Variants in CDH19 observed in about 807,000 individuals in gnomAD.
CDH19 encodes the protein cadherin-19.
A neutral mutation model predicts 64.2 loss-of-function variants in CDH19; 67 were observed. The observed-to-expected ratio is 1.04, with a 90% CI of 0.86 to 1.28. CDH19 has a LOEUF of 1.28. Among genes scored for constraint, CDH19 ranks in the 50% most tolerant of loss-of-function variants. CDH19 has a pLI of 0.00. For synonymous variants in CDH19, 346 were observed against 319.3 expected (o/e 1.08, Z -0.89); for missense variants, 1,030 against 929.0 (o/e 1.11, Z -1.41).
At position 66,585,704 on chromosome 18, in the gene CDH19, A is replaced by T. The variant is rs560683295; in HGVS notation, c.-112-13388T>A. Reference sequence around the variant, plus strand: ...CTATTTTCATTTCTGCTAAAAATATACACACATAAAAAGCTTTGTAAATGA... The same window carrying T: ...CTATTTTCATTTCTGCTAAAAATATTCACACATAAAAAGCTTTGTAAATGA... On this transcript the variant is annotated intron_variant, in intron 1 of 11. Coordinates refer to ENST00000262150, the MANE Select transcript of CDH19 (RefSeq NM_021153.4). Among the ~76,000 whole-genome samples the T allele has an allele frequency of 2.6e-5, 4 of 152,282 alleles. No individual in the cohort carries two copies. The South Asian group carries it at 8.3e-4, about 32-fold the overall frequency.
At chr18:66,522,083 A>C (rs1046300711) in intron 9 of CDH19, among the ~76,000 whole-genome samples, 2 of 150,100 alleles carry the variant, frequency 1.3e-5, no homozygotes, top group Non-Finnish European at 3.0e-5. Flanking sequence ...AATAGCTGGT[A>C]CTACAGGCGC....
intron 1 of CDH19, among the ~76,000 whole-genome samples, chr18:66,573,938 G>A (rs1269714938): frequency 6.7e-6 from 1 of 149,406 alleles, no homozygotes; most frequent in African/African-American, 2.4e-5. Context: ...TACATGTTAT[G>A]TAAGTGTGTA....
At chr18:66,559,284 T>G (rs1987633133) in intron 3 of CDH19, among the ~76,000 whole-genome samples, 1 of 152,012 alleles carries the variant, frequency 6.6e-6, no homozygotes, top group African/African-American at 2.4e-5. Flanking sequence ...TAAAAACTTT[T>G]TAAAAATTAA....
chr18:66,590,195 C>G (rs952748126), intron 1 of CDH19, among the ~76,000 whole-genome samples: 7 of 151,654 alleles, frequency 4.6e-5, no homozygotes, highest in Admixed American at 4.6e-4. Flanking sequence ...TTTTAACAAG[C>G]CTCAAAGATG....
chr18:66,566,813 T>A (rs1182981376), intron 3 of CDH19, among the ~76,000 whole-genome samples: 2 of 151,916 alleles, frequency 1.3e-5, no homozygotes, highest in African/African-American at 4.8e-5. Context: ...AACAGTCAAG[T>A]CAGCCTGGAT....
intron 1 of CDH19, among the ~76,000 whole-genome samples, chr18:66,589,489 G>A (rs1988680668): frequency 6.6e-6 from 1 of 151,792 alleles, no homozygotes; most frequent in Admixed American, 6.6e-5. Flanking sequence ...AGTTTTTGCT[G>A]ATGTTGTGAT....
intron 9 of CDH19, among the ~76,000 whole-genome samples, chr18:66,519,170 T>A (rs1434485152): frequency 6.6e-6 from 1 of 152,214 alleles, no homozygotes; most frequent in Admixed American, 6.5e-5. Context: ...GACAATGTTG[T>A]TTGTGTGCAA....
At chr18:66,542,742 C>T (rs1986938996) in intron 7 of CDH19, among the ~76,000 whole-genome samples, 1 of 152,012 alleles carries the variant, frequency 6.6e-6, no homozygotes, top group Admixed American at 6.6e-5. Context: ...TGAGCTCCGC[C>T]TCTTCTCATA....
chr18:66,524,569 T>C (rs11877906), intron 9 of CDH19, among the ~76,000 whole-genome samples: 1 of 135,164 alleles, frequency 7.4e-6, no homozygotes, highest in East Asian at 2.2e-4. Context: ...TATATATATA[T>C]AAACATCATC....
intron 6 of CDH19, 125 bp downstream of exon 6, chr18:66,544,594 A>T: frequency 1.6e-6 from 1 of 637,942 alleles, no homozygotes; most frequent in Non-Finnish European, 2.5e-6. Flanking sequence ...CCTTGTCTCC[A>T]TAAAACATAA....
intron 1 of CDH19, among the ~76,000 whole-genome samples, chr18:66,586,901 T>A (rs1988595533): frequency 6.6e-6 from 1 of 152,128 alleles, no homozygotes; most frequent in Admixed American, 6.6e-5. Flanking sequence ...CTTCCATGCC[T>A]ATCCTTTTAT....
At position 66,512,929 on chromosome 18, in the gene CDH19, T is replaced by G. The variant is rs1985564102; in HGVS notation, c.1459-1244A>C. On this transcript the variant is annotated intron_variant, in intron 9 of 11. Transcript: ENST00000262150. ...ATTTTCAGGATTATAGGTCTTGGCT[T>G]GTCAGAGGGTTTGTCACACGACAAA... Among the ~76,000 whole-genome samples the G allele has an allele frequency of 2.0e-5, 3 of 151,618 alleles. No individual in the cohort carries two copies. The South Asian group carries it at 6.2e-4, about 31-fold the overall frequency.
intron 9 of CDH19, among the ~76,000 whole-genome samples, chr18:66,516,810 C>A (rs1465039772): frequency 6.6e-6 from 1 of 151,808 alleles, no homozygotes; most frequent in Non-Finnish European, 1.5e-5. Flanking sequence ...TAGGTTCACT[C>A]TAGAAGAGAA....
At chr18:66,548,465 C>T (rs979291788) in intron 5 of CDH19, among the ~76,000 whole-genome samples, 8 of 143,534 alleles carry the variant, frequency 5.6e-5, no homozygotes, top group Non-Finnish European at 1.0e-4. Context: ...GCCTGACTCA[C>T]AAATGTTCCG....
Position 66,584,580 on chromosome 18 carries a change from A to T in CDH19, c.-112-12264T>A, listed in dbSNP as rs148413085. ...CATTTTCACTCATGCACACATGAATATACATACCATAAAGGTACACGAATG... is the reference window on the plus strand; with the variant it reads ...CATTTTCACTCATGCACACATGAATTTACATACCATAAAGGTACACGAATG... On this transcript the variant is annotated intron_variant, in intron 1 of 11. Coordinates refer to ENST00000262150, the MANE Select transcript of CDH19 (RefSeq NM_021153.4). Among the ~76,000 whole-genome samples, 224 of 152,184 alleles carry T rather than the reference A, an allele frequency of 1.5e-3. 3 individuals are homozygous for T. The East Asian group carries it at 0.038, about 26-fold the overall frequency.
chr18:66,591,547 C>T (rs1434507793), intron 1 of CDH19, among the ~76,000 whole-genome samples: 1 of 151,804 alleles, frequency 6.6e-6, no homozygotes, highest in Non-Finnish European at 1.5e-5. Context: ...TGGCAGTAGA[C>T]AACAGTACAA....
chr18:66,572,252 AC>A lies in CDH19; in HGVS notation c.-49del. Reference sequence around the variant, plus strand: ...ACTATTACTCTTCAGAGGAAACAGGACGTCACTAACAAAAATCTTGCTTTCT... The same window carrying A: ...ACTATTACTCTTCAGAGGAAACAGGAGTCACTAACAAAAATCTTGCTTTCT... On this transcript the variant is annotated 5_prime_UTR_variant, in exon 2 of 12. Coordinates refer to ENST00000262150, the MANE Select transcript of CDH19 (RefSeq NM_021153.4). 7.0e-7 allele frequency: 1 copy of A among 1,428,452 alleles called. No homozygotes were observed. Among genetic ancestry groups the A allele is most frequent in the Non-Finnish European group, 9.7e-7 (1 of 1,035,538 alleles). The allele number at this position is 1,428,452 out of a possible 1,614,324, so 88.5% of individuals were successfully genotyped here.
intron 3 of CDH19, among the ~76,000 whole-genome samples, chr18:66,560,192 C>G (rs1163271741): frequency 6.6e-6 from 1 of 152,074 alleles, no homozygotes; most frequent in Admixed American, 6.6e-5. Flanking sequence ...TAGGACAAAA[C>G]TACAGTAGTT....
In CDH19 at chr18:66,551,122, AAC is replaced by A; in HGVS notation, c.745_746del (p.Val249Ter). ...TTSVLIKLSD[V>X]NDNKPIFKES... ...CTTTAAATATAGGCTTATTGTCATT[AAC>A]ATCTGAAAGTTTAATTAATACACTT... On this transcript the variant is annotated frameshift_variant, in exon 5 of 12. Transcript: ENST00000262150. LOFTEE classifies it high-confidence loss of function. The A allele has an allele frequency of 6.2e-7, 1 of 1,602,194 alleles. No homozygotes were observed. Among genetic ancestry groups the A allele is most frequent in the Non-Finnish European group, 8.5e-7 (1 of 1,170,236 alleles).
Sources: allele counts gnomAD v4.1 joint callset (sites outside exome capture counted in the v4.1 genomes callset), GRCh38; gene constraint gnomAD v4.1.1; transcripts MANE v1.5; gene names NCBI Gene and HGNC (gene_info 2026-07-23, HGNC 2026-07-21).